Variants in DACH2 observed in about 807,000 individuals in gnomAD.
The protein encoded by DACH2 is dachshund homolog 2.
In DACH2, 17 loss-of-function variants were observed where a neutral mutation model predicts 35.8. The ratio of observed to expected loss-of-function variants is 0.48; its 90% confidence interval spans 0.33 to 0.71. The LOEUF is 0.71. Ranked by LOEUF, DACH2 falls within the 30% of genes least tolerant of loss-of-function variation. The pLI is 0.02. For missense variants in DACH2, 469 were observed against 472.7 expected, an observed-to-expected ratio of 0.99 and a Z score of 0.07; for synonymous variants, 195 against 177.3, an observed-to-expected ratio of 1.10 and a Z score of -0.79.
chrX:86,153,210 T>G (rs1359761299), intron 1 of DACH2, among the ~76,000 whole-genome samples: 1 of 111,269 alleles, frequency 9.0e-6, no homozygotes, highest in Non-Finnish European at 1.9e-5. Context: ...AGTAATGCAT[T>G]TGGAGACATG....
chrX:86,179,217 A>G (rs971002558), intron 1 of DACH2, among the ~76,000 whole-genome samples: 2 of 112,342 alleles, frequency 1.8e-5, no homozygotes, highest in African/African-American at 6.5e-5. Context: ...CCTTGCTTTA[A>G]TAGGGCACAC....
At chrX:86,761,994 G>T (rs1005111325) in intron 7 of DACH2, among the ~76,000 whole-genome samples, 1 of 110,643 alleles carries the variant, frequency 9.0e-6, no homozygotes, top group African/African-American at 3.3e-5. Flanking sequence ...GCACGGTCTG[G>T]TCTATTCGAG....
chrX:86,182,911 C>T (rs2031545950), intron 1 of DACH2, among the ~76,000 whole-genome samples: 1 of 111,140 alleles, frequency 9.0e-6, no homozygotes, highest in Non-Finnish European at 1.9e-5. Context: ...AGTTGTATTC[C>T]TAGATATTTT....
At chrX:86,272,657 C>T (rs763756969) in intron 1 of DACH2, among the ~76,000 whole-genome samples, 3 of 111,746 alleles carry the variant, frequency 2.7e-5, no homozygotes, top group South Asian at 7.6e-4. Context: ...ACTAAGTTTA[C>T]ATTGCTATTG....
chrX:86,716,291 T>C lies in DACH2; in HGVS notation c.1104+1571T>C, dbSNP rs1453477485. Reference sequence around the variant, plus strand: ...GTGTAAACTTGGAGTTAGAGTTGTCTTTGAGAAGAAAATTACCCATGAAAT... The same window carrying C: ...GTGTAAACTTGGAGTTAGAGTTGTCCTTGAGAAGAAAATTACCCATGAAAT... On this transcript the variant is annotated intron_variant, in intron 6 of 11. Transcript: ENST00000373125. Among the ~76,000 whole-genome samples the C allele has an allele frequency of 2.2e-4, 25 of 112,320 alleles. No homozygotes were observed. In the Admixed American group the frequency reaches 2.4e-3, roughly 11 times the overall value.
intron 1 of DACH2, among the ~76,000 whole-genome samples, chrX:86,203,450 CT>C (rs943068414): frequency 9.9e-5 from 11 of 110,798 alleles, no homozygotes; most frequent in Non-Finnish European, 2.1e-4. Context: ...TTGCCTTCAT[CT>C]TTTTTTTCTC....
intron 3 of DACH2, among the ~76,000 whole-genome samples, chrX:86,598,965 C>T (rs1436822593): frequency 9.1e-6 from 1 of 110,036 alleles, no homozygotes; most frequent in Non-Finnish European, 1.9e-5. Flanking sequence ...CCCGCCACCC[C>T]ACGACAGGCC....
At position 86,168,888 on chromosome X, in the gene DACH2, G is replaced by T. The variant is rs145499233; in HGVS notation, c.488+19780G>T. Among the ~76,000 whole-genome samples, 324 of 110,325 alleles carry T rather than the reference G, an allele frequency of 2.9e-3. 2 individuals carry two copies. The highest frequency in any genetic ancestry group is 9.6e-3 in the African/African-American group (293 of 30,401). Reference sequence around the variant, plus strand: ...AAATGTTGTGTTATTGTTTTTCATTGGTTCGTTGTTTAGTCTTTTCACTTA... The same window carrying T: ...AAATGTTGTGTTATTGTTTTTCATTTGTTCGTTGTTTAGTCTTTTCACTTA... On this transcript the variant is annotated intron_variant, in intron 1 of 11. Coordinates refer to ENST00000373125, the MANE Select transcript of DACH2 (RefSeq NM_053281.3).
chrX:86,501,101 A>G (rs1569422287), intron 2 of DACH2, among the ~76,000 whole-genome samples: 1 of 112,056 alleles, frequency 8.9e-6, no homozygotes, highest in East Asian at 2.8e-4. Context: ...CTTGTATTCA[A>G]ATGGAAAAGA....
In DACH2 at chrX:86,546,270, G is replaced by A. The variant is rs774232322; in HGVS notation, c.640+31879G>A. ...TAAGGGAGTAGATGTTCAATGTTTG[G>A]CTCCATGAGCTGATCTTGTATTTGA... On this transcript the variant is annotated intron_variant, in intron 3 of 11. Transcript: ENST00000373125. Among the ~76,000 whole-genome samples the A allele has an allele frequency of 3.6e-5, 4 of 109,957 alleles. No individual in the cohort carries two copies. In the East Asian group the frequency reaches 1.2e-3, roughly 32 times the overall value.
intron 1 of DACH2, among the ~76,000 whole-genome samples, chrX:86,271,682 T>C (rs1350918269): frequency 9.0e-6 from 1 of 111,628 alleles, no homozygotes; most frequent in East Asian, 2.8e-4. Context: ...TTTTAAATTT[T>C]CCATTCTACT....
intron 4 of DACH2, among the ~76,000 whole-genome samples, chrX:86,692,912 G>A (rs746143469): frequency 5.5e-4 from 61 of 111,926 alleles, no homozygotes; most frequent in Non-Finnish European, 9.2e-4. Flanking sequence ...CAGTGTTGCA[G>A]TGGTTACTTT....
chrX:86,770,602 T>TC lies in DACH2; in HGVS notation c.1240+30720_1240+30721insC, dbSNP rs200977855. Among the ~76,000 whole-genome samples the TC allele has an allele frequency of 6.9e-3, 765 of 111,444 alleles. 5 individuals are homozygous for TC. The highest frequency in any genetic ancestry group is 0.011 in the Non-Finnish European group (609 of 53,032). On this transcript the variant is annotated intron_variant, in intron 7 of 11. Coordinates refer to ENST00000373125, the MANE Select transcript of DACH2 (RefSeq NM_053281.3). ...AGTATGTTTCTCACCTGACAGTTTC[T>TC]ATCATTATTTGGTAAAGTGACAAGG... is the stretch of plus-strand genomic sequence containing the variant.
intron 6 of DACH2, among the ~76,000 whole-genome samples, chrX:86,737,350 A>G (rs2041606803): frequency 8.9e-6 from 1 of 111,769 alleles, no homozygotes; most frequent in Non-Finnish European, 1.9e-5. Flanking sequence ...CTGTTTGGAA[A>G]CATTGTTTTG....
At chrX:86,420,477 A>G (rs2036783510) in intron 2 of DACH2, among the ~76,000 whole-genome samples, 1 of 111,362 alleles carries the variant, frequency 9.0e-6, no homozygotes, top group Non-Finnish European at 1.9e-5. Flanking sequence ...CATGGAGTTT[A>G]TGCCTTGTCT....
chrX:86,822,601 T>A (rs2042523851), intron 11 of DACH2, among the ~76,000 whole-genome samples: 1 of 111,907 alleles, frequency 8.9e-6, no homozygotes, highest in African/African-American at 3.2e-5. Context: ...CTTGTAAAAA[T>A]CTCACATAGT....
intron 1 of DACH2, among the ~76,000 whole-genome samples, chrX:86,156,373 A>G (rs942057100): frequency 7.2e-5 from 8 of 111,535 alleles, no homozygotes; most frequent in African/African-American, 1.3e-4. Flanking sequence ...ACACACGTTT[A>G]TTCCTCTTAT....
At chrX:86,703,175 A>T (rs749428760) in intron 5 of DACH2, among the ~76,000 whole-genome samples, 1 of 80,665 alleles carries the variant, frequency 1.2e-5, no homozygotes, top group South Asian at 5.5e-4. Flanking sequence ...AAAGCATATG[A>T]TCATCTCAAT....
At chrX:86,819,401 T>TAAAC (rs1384842502) in intron 11 of DACH2, among the ~76,000 whole-genome samples, 1 of 110,722 alleles carries the variant, frequency 9.0e-6, no homozygotes, top group African/African-American at 3.3e-5. Flanking sequence ...TCACATAAAA[T>TAAAC]AAACATACCG....
Sources: gnomAD v4.1 joint callset for allele counts (sites outside exome capture counted in the v4.1 genomes callset) on GRCh38, gnomAD v4.1.1 for gene constraint, MANE v1.5 for transcripts, NCBI Gene and HGNC (gene_info 2026-07-23, HGNC 2026-07-21) for gene names.